RPS6KA3: variants seen among roughly 807,000 people sequenced by gnomAD.
RPS6KA3 encodes the protein ribosomal protein S6 kinase A3.
In RPS6KA3, 4 loss-of-function variants were observed where a neutral mutation model predicts 67.2. The observed-to-expected ratio is 0.06, with a 90% CI of 0.03 to 0.14. The LOEUF is 0.14. Among genes scored for constraint, RPS6KA3 ranks in the 10% least tolerant of loss-of-function variants. The probability of loss-of-function intolerance (pLI) is 1.00; values close to 1 mark genes in which losing one functional copy is unlikely to be tolerated. For synonymous variants in RPS6KA3, 182 were observed against 183.7 expected, an observed-to-expected ratio of 0.99 and a Z score of 0.07; for missense variants, 204 against 559.0, an observed-to-expected ratio of 0.36 and a Z score of 6.40.
At chrX:20,165,295 G>A (rs1455804405) in intron 17 of RPS6KA3, among the ~76,000 whole-genome samples, 1 of 111,815 alleles carries the variant, frequency 8.9e-6, no homozygotes, top group Non-Finnish European at 1.9e-5. Flanking sequence ...GTCCAACTGA[G>A]TAATTGGGTT....
At chrX:20,158,099 T>C (rs1312845705) in intron 20 of RPS6KA3, among the ~76,000 whole-genome samples, 1 of 109,095 alleles carries the variant, frequency 9.2e-6, no homozygotes, top group Non-Finnish European at 1.9e-5. Flanking sequence ...ATGGAGAAAA[T>C]TGGGCTGGGC....
intron 4 of RPS6KA3, among the ~76,000 whole-genome samples, chrX:20,197,233 C>T (rs1470447320): frequency 8.9e-6 from 1 of 112,725 alleles, no homozygotes; most frequent in Non-Finnish European, 1.9e-5. Context: ...GTCCTTTTCT[C>T]ATTATTACCA....
At chrX:20,156,280 C>A (rs1950420694) in intron 20 of RPS6KA3, 31 bp from the exon 21 acceptor site, 1 of 1,197,348 alleles carries the variant, frequency 8.4e-7, no homozygotes, top group African/African-American at 1.7e-5. Context: ...CAAGCTTAAA[C>A]CTTTTGTTTT....
intron 1 of RPS6KA3, among the ~76,000 whole-genome samples, chrX:20,247,026 C>G (rs950476685): frequency 1.8e-5 from 2 of 112,231 alleles, no homozygotes; most frequent in Non-Finnish European, 3.8e-5. Context: ...AACCTAGTAA[C>G]AAAGCCATCA....
At chrX:20,248,117 G>A (rs2147038906) in intron 1 of RPS6KA3, among the ~76,000 whole-genome samples, 1 of 111,890 alleles carries the variant, frequency 8.9e-6, no homozygotes, top group African/African-American at 3.2e-5. Context: ...GTTGATTTCT[G>A]AATACATTTT....
intron 2 of RPS6KA3, among the ~76,000 whole-genome samples, chrX:20,222,746 T>C (rs2069014857): frequency 8.9e-6 from 1 of 111,809 alleles, no homozygotes; most frequent in Non-Finnish European, 1.9e-5. Context: ...CAATGCGGTA[T>C]CATTAGTTTA....
rs1429116502 is a variant in RPS6KA3, at chrX:20,266,616, A to G, written c.17T>C (p.Leu6Pro). The G allele has an allele frequency of 2.6e-6, 3 of 1,145,593 alleles. No individual in the cohort carries two copies. The highest frequency in any genetic ancestry group is 3.5e-6 in the Non-Finnish European group (3 of 865,694). 94.4% of individuals were successfully genotyped at this position (1,145,593 alleles called of 1,213,427 possible). Residue 6 changes from leucine (L) to proline (P), a missense_variant, in exon 1 of 22, where the codon CTG (leucine) becomes CCG (proline). Transcript: ENST00000379565. MPLAQ[L>P]ADPWQKMAVE... ...AGCCATCTTCTGCCACGGGTCCGCC[A>G]GCTGCGCCAGCGGCATCTTCCCCCC... is the stretch of plus-strand genomic sequence containing the variant.
chrX:20,186,811 G>C (rs1208841683), intron 9 of RPS6KA3, among the ~76,000 whole-genome samples: 2 of 111,901 alleles, frequency 1.8e-5, no homozygotes, highest in Non-Finnish European at 3.8e-5. Flanking sequence ...TGAACAATTT[G>C]ATAGATATGC....
chrX:20,252,438 A>T (rs1310002892), intron 1 of RPS6KA3, among the ~76,000 whole-genome samples: 2 of 109,326 alleles, frequency 1.8e-5, no homozygotes, highest in Admixed American at 2.0e-4. Flanking sequence ...CGAAGCAGGC[A>T]GTCCTCCTGT....
At chrX:20,222,526 T>C (rs1170167072) in intron 2 of RPS6KA3, among the ~76,000 whole-genome samples, 1 of 111,949 alleles carries the variant, frequency 8.9e-6, no homozygotes, top group Non-Finnish European at 1.9e-5. Context: ...ATCTGTCTAT[T>C]TCTATTTCCT....
rs1175604170 is a variant in RPS6KA3 at position 20,150,798 on chromosome X, G to A, written c.*4600C>T. Reference sequence around the variant, plus strand: ...ATGTGCTCTAAGGAGGTTTTATTGAGGTTTGTACCTCTGAACTTAAATCTC... The same window carrying A: ...ATGTGCTCTAAGGAGGTTTTATTGAAGTTTGTACCTCTGAACTTAAATCTC... On this transcript the variant is annotated 3_prime_UTR_variant, in exon 22 of 22. Coordinates refer to ENST00000379565, the MANE Select transcript of RPS6KA3 (RefSeq NM_004586.3). The A allele has an allele frequency of 8.9e-6, 1 of 112,073 alleles. No individual in the cohort carries two copies. Among genetic ancestry groups the A allele is most frequent in the Non-Finnish European group, 1.9e-5 (1 of 53,116 alleles). 9.2% of individuals were successfully genotyped at this position (112,073 alleles called of 1,213,427 possible). A position where few individuals can be genotyped will look rare whatever the true frequency, so the allele number is the denominator to read the frequency against.
chrX:20,233,746 G>A (rs924795528), intron 2 of RPS6KA3, among the ~76,000 whole-genome samples: 1 of 110,764 alleles, frequency 9.0e-6, no homozygotes, highest in Non-Finnish European at 1.9e-5. Context: ...GAGAGAGACC[G>A]TGTCTCAAAA....
chrX:20,266,750 A>AGCGGCAGCGGCGGCGGCGGCGGCG lies in RPS6KA3; in HGVS notation c.-119_-118insCGCCGCCGCCGCCGCCGCTGCCGC, dbSNP rs1555972636. The AGCGGCAGCGGCGGCGGCGGCGGCG allele has an allele frequency of 5.2e-5, 1 of 19,302 alleles. No individual in the cohort carries two copies. The highest frequency in any genetic ancestry group is 3.9e-3 in the South Asian group (1 of 257). The allele number at this position is 19,302 out of a possible 1,213,427, so 1.6% of individuals were successfully genotyped here. On this transcript the variant is annotated 5_prime_UTR_variant, in exon 1 of 22. Coordinates refer to ENST00000379565, the MANE Select transcript of RPS6KA3 (RefSeq NM_004586.3). Reference sequence around the variant, plus strand: ...CGGCGGCGGCGGCGGCGGCGGCGGCAGCGGCAGCGGCAGCGGCAGCAGCAG... The same window carrying AGCGGCAGCGGCGGCGGCGGCGGCG: ...CGGCGGCGGCGGCGGCGGCGGCGGCAGCGGCAGCGGCGGCGGCGGCGGCGGCGGCAGCGGCAGCGGCAGCAGCAG...
Position 20,152,662 on chromosome X carries a change from A to T in RPS6KA3, c.*2736T>A, listed in dbSNP as rs757385850. 8.9e-6 allele frequency: 1 copy of T among 112,284 alleles called. No homozygotes were observed. The highest frequency in any genetic ancestry group is 1.9e-5 in the Non-Finnish European group (1 of 53,267). The allele number at this position is 112,284 out of a possible 1,213,427, so 9.3% of individuals were successfully genotyped here. A position where few individuals can be genotyped will look rare whatever the true frequency, so the allele number is the denominator to read the frequency against. Reference sequence around the variant, plus strand: ...AACACAAGCACTATATTTAGAGCACATCGTTGGCCAAGTTTTTCCACTGTA... The same window carrying T: ...AACACAAGCACTATATTTAGAGCACTTCGTTGGCCAAGTTTTTCCACTGTA... On this transcript the variant is annotated 3_prime_UTR_variant, in exon 22 of 22. Coordinates refer to ENST00000379565, the MANE Select transcript of RPS6KA3 (RefSeq NM_004586.3).
intron 2 of RPS6KA3, among the ~76,000 whole-genome samples, chrX:20,232,762 C>T (rs2069305254): frequency 8.9e-6 from 1 of 111,790 alleles, no homozygotes; most frequent in African/African-American, 3.3e-5. Flanking sequence ...CCAGAGAAAA[C>T]TGAGCAAAAC....
rs1022049553 is a variant in RPS6KA3, at chrX:20,168,844, ATTTTG to A, written c.1443+553_1443+557del. On this transcript the variant is annotated intron_variant, in intron 16 of 21. Transcript: ENST00000379565. ...CTACTTTTTAAACTTACCATGTTGA[ATTTTG>A]TTTTGTTTTGTTTTTGTTTTTGAGA... Among the ~76,000 whole-genome samples, 65 of 111,813 alleles carry A rather than the reference ATTTTG, an allele frequency of 5.8e-4. 1 individual carries two copies. Among genetic ancestry groups the A allele is most frequent in the African/African-American group, 2.1e-3 (64 of 30,805 alleles).
chrX:20,178,583 G>A lies in RPS6KA3; in HGVS notation c.846-1499C>T, dbSNP rs1378541226. ...TGCCTTCTGGGTTCAAGGGATTCTC[G>A]TGTCTCAGCCTCCCAAGTAGTTGGG... On this transcript the variant is annotated intron_variant, in intron 10 of 21. Transcript: ENST00000379565. Among the ~76,000 whole-genome samples the A allele has an allele frequency of 5.2e-5, 5 of 96,690 alleles. No individual in the cohort carries two copies. The East Asian group carries it at 1.6e-3, about 31-fold the overall frequency. The allele number at this position is 96,690 out of a possible 115,157, so 84.0% of individuals were successfully genotyped here.
intron 7 of RPS6KA3, among the ~76,000 whole-genome samples, chrX:20,191,794 T>C (rs1311320147): frequency 9.0e-6 from 1 of 111,160 alleles, no homozygotes; most frequent in African/African-American, 3.3e-5. Flanking sequence ...GAGACTGAGT[T>C]TCGCTCTTGT....
At chrX:20,172,657 T>G (rs2067600704) in intron 15 of RPS6KA3, 89 bp downstream of exon 15, 5 of 836,352 alleles carry the variant, frequency 6.0e-6, no homozygotes, top group Non-Finnish European at 8.6e-6. Context: ...AAAGGCACTT[T>G]TAACAACAAG....
Sources: allele counts gnomAD v4.1 joint callset (sites outside exome capture counted in the v4.1 genomes callset), GRCh38; gene constraint gnomAD v4.1.1; transcripts MANE v1.5; gene names NCBI Gene and HGNC (gene_info 2026-07-23, HGNC 2026-07-21).